The following FBXL17 variants were observed in gnomAD, a reference collection of about 807,000 sequenced individuals.
FBXL17 encodes the protein F-box and leucine rich repeat protein 17.
In FBXL17, 22 loss-of-function variants were observed where a neutral mutation model predicts 66.2. The ratio of observed to expected loss-of-function variants is 0.33; its 90% CI spans 0.24 to 0.47. FBXL17 has a LOEUF of 0.47. Among genes scored for constraint, FBXL17 ranks in the 20% least tolerant of loss-of-function variants. FBXL17 has a pLI of 1.00. For missense variants in FBXL17, 878 were observed against 948.2 expected (o/e 0.93, Z 0.97); for synonymous variants, 474 against 400.5 (o/e 1.18, Z -2.19).
chr5:108,357,444 T>C (rs1748073222), intron 3 of FBXL17, among the ~76,000 whole-genome samples: 1 of 152,022 alleles, frequency 6.6e-6, no homozygotes, highest in Admixed American at 6.6e-5. Context: ...AGAAAATTAG[T>C]AAAGGCATAG....
At chr5:107,956,040 G>A (rs965693090) in intron 7 of FBXL17, among the ~76,000 whole-genome samples, 8 of 152,110 alleles carry the variant, frequency 5.3e-5, no homozygotes, top group African/African-American at 1.7e-4. Context: ...AGTGGACACA[G>A]AAGGAATCTT....
chr5:108,072,601 G>A (rs1748377952), intron 6 of FBXL17, among the ~76,000 whole-genome samples: 1 of 152,150 alleles, frequency 6.6e-6, no homozygotes, highest in Non-Finnish European at 1.5e-5. Context: ...CCAGCTACTT[G>A]GGAGGTTGAG....
At chr5:108,042,360 T>C (rs1272899424) in intron 6 of FBXL17, among the ~76,000 whole-genome samples, 1 of 152,172 alleles carries the variant, frequency 6.6e-6, no homozygotes, top group African/African-American at 2.4e-5. Context: ...ACAGAGAACA[T>C]TTCCATCACT....
intron 6 of FBXL17, among the ~76,000 whole-genome samples, chr5:108,107,707 G>A (rs1749858558): frequency 6.6e-6 from 1 of 151,192 alleles, no homozygotes; most frequent in Non-Finnish European, 1.5e-5. Context: ...AGCTACTCAG[G>A]AGGCTGAGGC....
In FBXL17 at chr5:108,276,955, T is replaced by C. The variant is rs1420172204; in HGVS notation, c.1507-52727A>G. Among the ~76,000 whole-genome samples, 4 of 152,136 alleles carry C rather than the reference T, an allele frequency of 2.6e-5. No individual in the cohort carries two copies. In the East Asian group the frequency reaches 5.8e-4, roughly 22 times the overall value. ...AATTAGAGGACTTTTTTTTTTCATT[T>C]AATCTATATTTAGATTGTACTTCAG... On this transcript the variant is annotated intron_variant, in intron 4 of 8. Transcript: ENST00000542267.
chr5:108,062,858 G>C (rs1365158577), intron 6 of FBXL17, among the ~76,000 whole-genome samples: 1 of 152,136 alleles, frequency 6.6e-6, no homozygotes, highest in African/African-American at 2.4e-5. Flanking sequence ...AAAGCAGAGA[G>C]CTTTCCTTTC....
intron 7 of FBXL17, among the ~76,000 whole-genome samples, chr5:108,015,879 C>T (rs1201977314): frequency 6.6e-6 from 1 of 152,098 alleles, no homozygotes; most frequent in African/African-American, 2.4e-5. Flanking sequence ...TGAATAATGT[C>T]ACCAGGCCAC....
chr5:108,351,092 T>A (rs1303767412), intron 3 of FBXL17, among the ~76,000 whole-genome samples: 1 of 152,158 alleles, frequency 6.6e-6, no homozygotes, highest in Admixed American at 6.5e-5. Flanking sequence ...AAAGCTTTGG[T>A]CTTCATTAGT....
intron 8 of FBXL17, among the ~76,000 whole-genome samples, chr5:107,868,911 T>TACTC (rs1329406388): frequency 6.6e-6 from 1 of 152,184 alleles, no homozygotes; most frequent in Non-Finnish European, 1.5e-5. Flanking sequence ...AACTCATCAT[T>TACTC]TGTAAGCTAT....
chr5:107,861,730 G>A lies in FBXL17; in HGVS notation c.2096C>T (p.Ala699Val), dbSNP rs1217783143. The A allele has an allele frequency of 6.3e-7, 1 of 1,577,016 alleles. No individual in the cohort carries two copies. ...QMGWTPNMSAASS is the reference protein window; with the variant it reads ...QMGWTPNMSAVSS ...GGCGAGGCAGGAGCGCTAGGAGGAG[G>A]CGGCAGACATGTTGGGGGTCCAGCC... Residue 699 changes from alanine to valine, a missense_variant, in exon 9 of 9, where the codon GCC becomes GTC. Ala to Val is a moderately conservative substitution (Grantham distance 64). Coordinates refer to ENST00000542267, the MANE Select transcript of FBXL17 (RefSeq NM_001163315.3).
chr5:108,362,697 A>C (rs1748419565), intron 3 of FBXL17, among the ~76,000 whole-genome samples: 1 of 152,132 alleles, frequency 6.6e-6, no homozygotes, highest in African/African-American at 2.4e-5. Flanking sequence ...CAATAGTTAA[A>C]ACATTAGAGT....
At chr5:108,323,190 T>A (rs1250563392) in intron 4 of FBXL17, among the ~76,000 whole-genome samples, 1 of 151,772 alleles carries the variant, frequency 6.6e-6, no homozygotes, top group Non-Finnish European at 1.5e-5. Context: ...TGACATGATA[T>A]TGTAAATAGA....
intron 6 of FBXL17, among the ~76,000 whole-genome samples, chr5:108,060,532 A>G (rs968876853): frequency 6.6e-6 from 1 of 152,186 alleles, no homozygotes; most frequent in Middle Eastern, 3.2e-3. Flanking sequence ...GTAGTACTCT[A>G]TGTAGCCACT....
chr5:107,978,290 C>T (rs578092624), intron 7 of FBXL17, among the ~76,000 whole-genome samples: 20 of 152,202 alleles, frequency 1.3e-4, no homozygotes, highest in African/African-American at 4.6e-4. Context: ...TATAGTTTAA[C>T]TTTGAAGCAG....
At chr5:107,938,182 T>C (rs1000365732) in intron 7 of FBXL17, among the ~76,000 whole-genome samples, 1 of 152,058 alleles carries the variant, frequency 6.6e-6, no homozygotes, top group African/African-American at 2.4e-5. Context: ...AACTGCTTTA[T>C]GGTGACCTGA....
chr5:108,149,767 TTC>T (rs368269829), intron 6 of FBXL17, among the ~76,000 whole-genome samples: 31 of 152,308 alleles, frequency 2.0e-4, no homozygotes, highest in African/African-American at 7.5e-4. Flanking sequence ...ATAGTCCATG[TTC>T]TCTCTCTGTG....
intron 6 of FBXL17, among the ~76,000 whole-genome samples, chr5:108,086,511 T>C (rs1445806994): frequency 1.3e-5 from 2 of 152,180 alleles, no homozygotes; most frequent in African/African-American, 4.8e-5. Flanking sequence ...AAATTTGTTT[T>C]TTCTCGTGTT....
intron 7 of FBXL17, among the ~76,000 whole-genome samples, chr5:107,959,387 C>CACACAG (rs1751804348): frequency 1.4e-5 from 1 of 72,262 alleles, no homozygotes; most frequent in South Asian, 5.2e-4. Flanking sequence ...TATAAACACA[C>CACACAG]ACACACACAC....
intron 6 of FBXL17, among the ~76,000 whole-genome samples, chr5:108,154,194 A>G (rs1253665301): frequency 1.3e-5 from 2 of 151,314 alleles, no homozygotes; most frequent in South Asian, 4.2e-4. Context: ...AGAATGAGAG[A>G]GAGAGAGAGG....
Sources: gnomAD v4.1 joint callset for allele counts (sites outside exome capture counted in the v4.1 genomes callset) on GRCh38, gnomAD v4.1.1 for gene constraint, MANE v1.5 for transcripts, NCBI Gene and HGNC (gene_info 2026-07-23, HGNC 2026-07-21) for gene names.